The following N4BP2L2 variants were observed in gnomAD, a reference collection of about 807,000 sequenced individuals.
N4BP2L2 encodes the protein NEDD4 binding protein 2 like 2, also known as NEDD4-binding protein 2-like 2.
N4BP2L2 carries 50 observed loss-of-function variants against 56.2 expected under a neutral mutation model. The observed-to-expected ratio is 0.89, with a 90% confidence interval of 0.71 to 1.13. The LOEUF (loss-of-function observed/expected upper bound fraction) is 1.13, where lower values mean the gene tolerates loss of function less well. Among genes scored for constraint, N4BP2L2 ranks in the 50% most tolerant of loss-of-function variants. N4BP2L2 has a pLI of 0.00. For synonymous variants in N4BP2L2, 203 were observed against 223.6 expected (o/e 0.91, Z 0.82); for missense variants, 689 against 693.8 (o/e 0.99, Z 0.08).
chr13:32,488,474 C>T (rs2086369863), intron 6 of N4BP2L2, among the ~76,000 whole-genome samples: 2 of 152,144 alleles, frequency 1.3e-5, no homozygotes, highest in Non-Finnish European at 2.9e-5. Context: ...ATCCATACTC[C>T]TAACCTCAGC....
chr13:32,486,080 C>G (rs2085787540), intron 6 of N4BP2L2, among the ~76,000 whole-genome samples: 1 of 151,478 alleles, frequency 6.6e-6, no homozygotes, highest in African/African-American at 2.4e-5. Context: ...AAACAAACAC[C>G]TAAATCAAAA....
chr13:32,534,994 C>G (rs2056156940), intron 2 of N4BP2L2, among the ~76,000 whole-genome samples: 1 of 152,178 alleles, frequency 6.6e-6, no homozygotes. Flanking sequence ...AGTTCTAACA[C>G]CAATTCAGAT....
intron 2 of N4BP2L2, among the ~76,000 whole-genome samples, chr13:32,532,590 C>CTTTTTTT (rs759146834): frequency 1.4e-4 from 18 of 128,346 alleles, no homozygotes; most frequent in South Asian, 4.9e-4. Flanking sequence ...TTTCTTTTTT[C>CTTTTTTT]TTTTTTTTTT....
chr13:32,532,915 A>G (rs2055356380), intron 2 of N4BP2L2, among the ~76,000 whole-genome samples: 1 of 148,998 alleles, frequency 6.7e-6, no homozygotes. Context: ...AAAAATAGAG[A>G]CAGGGTCTAT....
At chr13:32,525,612 T>G (rs560847842) in intron 3 of N4BP2L2, 1 of 152,328 alleles carries the variant, frequency 6.6e-6, no homozygotes, top group East Asian at 1.9e-4. Context: ...GAGGCTGCAC[T>G]GAGCTATGAT....
At position 32,454,573 on chromosome 13, in the gene N4BP2L2, C is replaced by T. The variant is rs1269040005; in HGVS notation, c.366-10447G>A. Among the ~76,000 whole-genome samples the T allele has an allele frequency of 2.6e-5, 4 of 152,170 alleles. No individual in the cohort carries two copies. In the South Asian group the frequency reaches 8.3e-4, roughly 31 times the overall value. Reference sequence around the variant, plus strand: ...GGAACAATCATTGACAAAGCCTAGACATTGGACTTATTAGACAAAGACTTT... The same window carrying T: ...GGAACAATCATTGACAAAGCCTAGATATTGGACTTATTAGACAAAGACTTT... On this transcript the variant is annotated intron_variant, in intron 6 of 9. Transcript: ENST00000357505.
chr13:32,527,110 T>C (rs1020013681), intron 3 of N4BP2L2: 2 of 211,182 alleles, frequency 9.5e-6, no homozygotes, highest in Admixed American at 5.6e-5. Flanking sequence ...TCATCAAGTA[T>C]AAAATAAAGC....
downstream of N4BP2L2, chr13:32,507,893 T>C (rs990314488): frequency 2.0e-5 from 3 of 152,112 alleles, no homozygotes; most frequent in African/African-American, 7.2e-5. Flanking sequence ...TATGTCCACA[T>C]GAGAAATGAT....
At chr13:32,526,818 GTTTTTTTT>G (rs35925361) in intron 3 of N4BP2L2, 18 of 24,244 alleles carry the variant, frequency 7.4e-4, no homozygotes, top group East Asian at 1.6e-3. Flanking sequence ...CTTTTTGTCT[GTTTTTTTT>G]TTTTTTTTTT....
chr13:32,437,410 C>T (rs530435842), intron 8 of N4BP2L2, among the ~76,000 whole-genome samples: 2 of 152,160 alleles, frequency 1.3e-5, no homozygotes, highest in Non-Finnish European at 2.9e-5. Flanking sequence ...GAATGATTCA[C>T]TAAATTTTGA....
intron 2 of N4BP2L2, among the ~76,000 whole-genome samples, chr13:32,529,116 T>C (rs1467867565): frequency 6.6e-6 from 1 of 152,234 alleles, no homozygotes; most frequent in Non-Finnish European, 1.5e-5. Flanking sequence ...AGATGCAATA[T>C]TTTTTCTCAA....
At chr13:32,459,278 A>G in intron 6 of N4BP2L2, among the ~76,000 whole-genome samples, 1 of 152,288 alleles carries the variant, frequency 6.6e-6, no homozygotes, top group South Asian at 2.1e-4. Context: ...GAAAAGAAAT[A>G]TTAAAAATCA....
At chr13:32,449,342 T>TA (rs1395612405) in intron 6 of N4BP2L2, among the ~76,000 whole-genome samples, 1 of 152,178 alleles carries the variant, frequency 6.6e-6, no homozygotes, top group Non-Finnish European at 1.5e-5. Flanking sequence ...TGGTTGAAAA[T>TA]AATAAAGACC....
chr13:32,536,437 T>G, exon 2 of N4BP2L2: 7 of 1,613,744 alleles, frequency 4.3e-6, no homozygotes, highest in Non-Finnish European at 5.9e-6. Flanking sequence ...CCTGAGAAGG[T>G]TCAGATTCTT....
intron 6 of N4BP2L2, among the ~76,000 whole-genome samples, chr13:32,453,928 A>C (rs1283587117): frequency 6.6e-6 from 1 of 152,216 alleles, no homozygotes; most frequent in Non-Finnish European, 1.5e-5. Context: ...CAAATGAATT[A>C]GCCACTGTCA....
intron 6 of N4BP2L2, among the ~76,000 whole-genome samples, chr13:32,454,179 G>A (rs1427150072): frequency 6.6e-6 from 1 of 152,038 alleles, no homozygotes; most frequent in East Asian, 1.9e-4. Context: ...TGAAGACAAG[G>A]GCAGAATTAT....
intron 6 of N4BP2L2, among the ~76,000 whole-genome samples, chr13:32,497,441 TTC>T (rs1010963373): frequency 1.3e-5 from 2 of 152,352 alleles, no homozygotes; most frequent in African/African-American, 2.4e-5. Context: ...ATCCAGCTGA[TTC>T]TCTGTCACAT....
chr13:32,500,046 G>T (rs1593892433), intron 6 of N4BP2L2, among the ~76,000 whole-genome samples: 1 of 152,214 alleles, frequency 6.6e-6, no homozygotes, highest in Non-Finnish European at 1.5e-5. Flanking sequence ...ATAACCTTTG[G>T]TGTTTTCTGA....
chr13:32,521,937 C>G lies in N4BP2L2; in HGVS notation c.1473+245G>C, dbSNP rs150429586. The G allele has an allele frequency of 4.4e-4, 178 of 405,944 alleles. 2 individuals carry two copies. The highest frequency in any genetic ancestry group is 3.6e-3 in the African/African-American group (167 of 46,734). The allele number at this position is 405,944 out of a possible 1,614,324, so 25.1% of individuals were successfully genotyped here. A position where few individuals can be genotyped will look rare whatever the true frequency, so the allele number is the denominator to read the frequency against. On this transcript the variant is annotated intron_variant, in intron 4 of 5. Coordinates refer to ENST00000267068, the Ensembl canonical transcript of N4BP2L2. Reference sequence around the variant, plus strand: ...CTTGCAGTGAGCCAAGATGGTGCCACTGCACTCCAGCCTGGGTGACAGAGC... The same window carrying G: ...CTTGCAGTGAGCCAAGATGGTGCCAGTGCACTCCAGCCTGGGTGACAGAGC...
Sources: gnomAD v4.1 joint callset for allele counts (sites outside exome capture counted in the v4.1 genomes callset) on GRCh38, gnomAD v4.1.1 for gene constraint, MANE v1.5 for transcripts, NCBI Gene and HGNC (gene_info 2026-07-23, HGNC 2026-07-21) for gene names.